The following GRIN2A variants were observed in gnomAD, a reference collection of about 807,000 sequenced individuals.
GRIN2A encodes glutamate ionotropic receptor NMDA type subunit 2A, also known as glutamate receptor ionotropic, NMDA 2A.
A neutral mutation model predicts 113.4 loss-of-function variants in GRIN2A; 22 were observed. That is an observed-to-expected ratio of 0.19 (90% confidence interval 0.14 to 0.28). The LOEUF (loss-of-function observed/expected upper bound fraction) is 0.28, where lower values mean the gene tolerates loss of function less well. Among genes scored for constraint, GRIN2A ranks in the 10% least tolerant of loss-of-function variants. The pLI is 1.00. For synonymous variants in GRIN2A, 827 were observed against 738.4 expected, an observed-to-expected ratio of 1.12 and a Z score of -1.94; for missense variants, 1,502 against 1,887.0, an observed-to-expected ratio of 0.80 and a Z score of 3.78.
At chr16:10,025,773 A>G (rs994049861) in intron 2 of GRIN2A, among the ~76,000 whole-genome samples, 1 of 152,156 alleles carries the variant, frequency 6.6e-6, no homozygotes, top group Non-Finnish European at 1.5e-5. Flanking sequence ...TGGCAGAGAC[A>G]GGCAGGCTAG....
At chr16:9,998,306 G>T (rs1156801811) in intron 2 of GRIN2A, among the ~76,000 whole-genome samples, 1 of 152,132 alleles carries the variant, frequency 6.6e-6, no homozygotes, top group Non-Finnish European at 1.5e-5. Context: ...GCATAACACT[G>T]TATGATTCCA....
intron 2 of GRIN2A, chr16:10,112,450 G>T (rs1026302740): frequency 1.7e-5 from 13 of 784,296 alleles, no homozygotes; most frequent in Non-Finnish European, 3.0e-5. Flanking sequence ...CAGCACTTTG[G>T]TGTGTCCATC....
At position 10,177,543 on chromosome 16, in the gene GRIN2A, C is replaced by T. The variant is rs139194376; in HGVS notation, c.414+2455G>A. 3.4e-3 allele frequency among the ~76,000 whole-genome samples: 517 copies of T among 152,308 alleles called. 4 individuals carry two copies. Among genetic ancestry groups the T allele is most frequent in the African/African-American group, 0.012 (493 of 41,550 alleles). On this transcript the variant is annotated intron_variant, in intron 2 of 12. Transcript: ENST00000330684. ...CTTTCATTCTTCTTCTCTCCAACCCCTCTTAAGTCTCTATTCTTTATTTCT... is the reference window on the plus strand; with the variant it reads ...CTTTCATTCTTCTTCTCTCCAACCCTTCTTAAGTCTCTATTCTTTATTTCT...
At chr16:9,995,276 A>C (rs915862365) in intron 2 of GRIN2A, among the ~76,000 whole-genome samples, 2 of 152,204 alleles carry the variant, frequency 1.3e-5, no homozygotes, top group Non-Finnish European at 2.9e-5. Flanking sequence ...TCTAAGACAC[A>C]AAGAGGTCAA....
intron 2 of GRIN2A, among the ~76,000 whole-genome samples, chr16:9,939,227 A>C (rs956159106): frequency 3.3e-5 from 5 of 152,206 alleles, no homozygotes; most frequent in Non-Finnish European, 7.3e-5. Context: ...AAAGAGGTAT[A>C]TGAAGTGCTG....
intron 2 of GRIN2A, among the ~76,000 whole-genome samples, chr16:10,103,653 T>A (rs184192585): frequency 3.0e-4 from 45 of 151,806 alleles, no homozygotes; most frequent in African/African-American, 8.7e-4. Context: ...AACAAGAGAG[T>A]CCATATGTAT....
At chr16:9,982,270 A>T (rs545306809) in intron 2 of GRIN2A, among the ~76,000 whole-genome samples, 1 of 152,258 alleles carries the variant, frequency 6.6e-6, no homozygotes, top group African/African-American at 2.4e-5. Context: ...TGCAGATCTC[A>T]CTTATTTTGC....
intron 3 of GRIN2A, among the ~76,000 whole-genome samples, chr16:9,934,316 T>G (rs1033043352): frequency 1.1e-4 from 17 of 152,190 alleles, no homozygotes; most frequent in African/African-American, 4.1e-4. Flanking sequence ...AATTATATCT[T>G]AATTCATCTA....
At chr16:10,074,457 C>T (rs1404826609) in intron 2 of GRIN2A, among the ~76,000 whole-genome samples, 1 of 152,154 alleles carries the variant, frequency 6.6e-6, no homozygotes, top group Non-Finnish European at 1.5e-5. Context: ...TTACTGATAG[C>T]AGCCAAAAAC....
intron 2 of GRIN2A, among the ~76,000 whole-genome samples, chr16:10,057,114 C>CATCT (rs59738420): frequency 0.024 from 3,624 of 152,206 alleles, 156 homozygotes; most frequent in African/African-American, 0.084. Flanking sequence ...CCCATCCATC[C>CATCT]ATCATTCATC....
chr16:9,990,231 G>A (rs1204357374), intron 2 of GRIN2A, among the ~76,000 whole-genome samples: 1 of 152,122 alleles, frequency 6.6e-6, no homozygotes, highest in Non-Finnish European at 1.5e-5. Context: ...GTCCTTTCCA[G>A]CAGTATGGAT....
intron 3 of GRIN2A, among the ~76,000 whole-genome samples, chr16:9,908,001 A>T (rs2044060874): frequency 6.6e-6 from 1 of 152,156 alleles, no homozygotes; most frequent in Admixed American, 6.5e-5. Flanking sequence ...GCAGATTTTC[A>T]TCTGGCCGGA....
chr16:9,872,596 G>A (rs1045371659), intron 4 of GRIN2A, among the ~76,000 whole-genome samples: 6 of 152,028 alleles, frequency 3.9e-5, no homozygotes, highest in African/African-American at 1.5e-4. Context: ...TCAAATCTTC[G>A]GGTAAAGAAA....
intron 2 of GRIN2A, among the ~76,000 whole-genome samples, chr16:10,034,690 A>G (rs1596447449): frequency 1.0e-5 from 1 of 95,600 alleles, no homozygotes; most frequent in East Asian, 8.3e-4. Context: ...AAACTGGTCT[A>G]TCTATTCAGG....
At chr16:9,795,239 G>C (rs1902904288) in intron 11 of GRIN2A, among the ~76,000 whole-genome samples, 1 of 152,106 alleles carries the variant, frequency 6.6e-6, no homozygotes, top group African/African-American at 2.4e-5. Context: ...AGACAAAACA[G>C]GTTGCAGTAA....
At chr16:9,800,177 G>A (rs533515613) in intron 10 of GRIN2A, among the ~76,000 whole-genome samples, 1 of 152,188 alleles carries the variant, frequency 6.6e-6, no homozygotes, top group South Asian at 2.1e-4. Flanking sequence ...GTTTCACCAG[G>A]TTGGTCAGGC....
intron 2 of GRIN2A, among the ~76,000 whole-genome samples, chr16:10,162,381 A>T (rs1470002387): frequency 6.6e-6 from 1 of 152,188 alleles, no homozygotes; most frequent in African/African-American, 2.4e-5. Flanking sequence ...ACCTCTCTGT[A>T]TTCATTTTCC....
At chr16:9,972,552 A>G (rs1364421725) in intron 2 of GRIN2A, among the ~76,000 whole-genome samples, 1 of 152,202 alleles carries the variant, frequency 6.6e-6, no homozygotes, top group Non-Finnish European at 1.5e-5. Flanking sequence ...AAAAGGTAGG[A>G]AGCCTCAGAA....
intron 2 of GRIN2A, among the ~76,000 whole-genome samples, chr16:10,063,845 C>A (rs2047595680): frequency 6.6e-6 from 1 of 152,180 alleles, no homozygotes; most frequent in African/African-American, 2.4e-5. Context: ...ATTTCTTGCA[C>A]CGCCAAAAGC....
Sources: gnomAD v4.1 joint callset for allele counts (sites outside exome capture counted in the v4.1 genomes callset) on GRCh38, gnomAD v4.1.1 for gene constraint, MANE v1.5 for transcripts, NCBI Gene and HGNC (gene_info 2026-07-23, HGNC 2026-07-21) for gene names.